Variants in CDK14 observed in about 807,000 individuals in gnomAD.
The protein encoded by CDK14 is cyclin-dependent kinase 14.
In CDK14, 34 loss-of-function variants were observed where a neutral mutation model predicts 60.7. That is an observed-to-expected ratio of 0.56 (90% CI 0.43 to 0.75). The LOEUF (loss-of-function observed/expected upper bound fraction) is 0.75, where lower values mean the gene tolerates loss of function less well. Among genes scored for constraint, CDK14 ranks in the 30% least tolerant of loss-of-function variants. The probability of loss-of-function intolerance (pLI) is 0.00; values close to 1 mark genes in which losing one functional copy is unlikely to be tolerated. For missense variants in CDK14, 482 were observed against 564.1 expected, an observed-to-expected ratio of 0.85 and a Z score of 1.47; for synonymous variants, 197 against 203.7, an observed-to-expected ratio of 0.97 and a Z score of 0.28.
At chr7:90,841,325 G>A (rs893135568) in intron 5 of CDK14, among the ~76,000 whole-genome samples, 3 of 151,944 alleles carry the variant, frequency 2.0e-5, no homozygotes, top group African/African-American at 7.2e-5. Flanking sequence ...ATCAATTTTA[G>A]CTCATCAGCT....
intron 4 of CDK14, among the ~76,000 whole-genome samples, chr7:90,790,110 T>TG (rs1356097605): frequency 6.6e-6 from 1 of 151,298 alleles, no homozygotes; most frequent in East Asian, 1.9e-4. Context: ...CCTTTTTTTT[T>TG]TTTGAGAGAG....
intron 10 of CDK14, among the ~76,000 whole-genome samples, chr7:90,998,113 C>G (rs1331680975): frequency 3.3e-5 from 5 of 152,096 alleles, no homozygotes; most frequent in African/African-American, 1.2e-4. Flanking sequence ...ACCATCATGT[C>G]AAATTAGATG....
chr7:91,158,120 GTATA>G (rs1421192563), intron 14 of CDK14, among the ~76,000 whole-genome samples: 2 of 146,358 alleles, frequency 1.4e-5, no homozygotes, highest in African/African-American at 2.5e-5. Context: ...TATATAAACA[GTATA>G]TATACATTAT....
At chr7:90,623,492 AAAG>A (rs1204372508) in intron 2 of CDK14, among the ~76,000 whole-genome samples, 1 of 152,206 alleles carries the variant, frequency 6.6e-6, no homozygotes. Context: ...GGAAGGAAAA[AAAG>A]CACAACTGAA....
intron 5 of CDK14, among the ~76,000 whole-genome samples, chr7:90,794,932 T>C (rs974757309): frequency 6.6e-6 from 1 of 152,214 alleles, no homozygotes; most frequent in Non-Finnish European, 1.5e-5. Context: ...TAAATGTCCA[T>C]GAAATCTTCA....
At chr7:90,838,478 G>A (rs933231730) in intron 5 of CDK14, among the ~76,000 whole-genome samples, 10 of 152,074 alleles carry the variant, frequency 6.6e-5, no homozygotes, top group African/African-American at 2.2e-4. Context: ...CTGCCTGCGG[G>A]GTCAGGCAGA....
chr7:90,699,108 A>G (rs1488017351), intron 2 of CDK14, among the ~76,000 whole-genome samples: 2 of 152,258 alleles, frequency 1.3e-5, no homozygotes, highest in African/African-American at 4.8e-5. Flanking sequence ...GTGCAAAAGC[A>G]AATTGCAAAG....
intron 2 of CDK14, among the ~76,000 whole-genome samples, chr7:90,678,295 C>A (rs1801241044): frequency 6.6e-6 from 1 of 152,132 alleles, no homozygotes; most frequent in South Asian, 2.1e-4. Context: ...TATCTGGCCC[C>A]CTTGGCTGAT....
chr7:90,714,251 C>G (rs966522929), intron 2 of CDK14, among the ~76,000 whole-genome samples: 1 of 151,952 alleles, frequency 6.6e-6, no homozygotes, highest in Non-Finnish European at 1.5e-5. Context: ...ACACATTTGC[C>G]CCAGCAGCTT....
intron 2 of CDK14, among the ~76,000 whole-genome samples, chr7:90,695,770 A>G (rs188465281): frequency 5.9e-5 from 9 of 152,284 alleles, no homozygotes; most frequent in African/African-American, 2.2e-4. Context: ...GGAGGGTGCA[A>G]CAGCCTTGAG....
chr7:90,912,785 T>A (rs374846986), intron 7 of CDK14, among the ~76,000 whole-genome samples: 15 of 151,896 alleles, frequency 9.9e-5, no homozygotes, highest in African/African-American at 3.6e-4. Flanking sequence ...GTTTTTCTAT[T>A]TTTTTTGGTA....
chr7:91,173,200 C>G (rs1353734447), intron 14 of CDK14, among the ~76,000 whole-genome samples: 1 of 152,108 alleles, frequency 6.6e-6, no homozygotes, highest in Non-Finnish European at 1.5e-5. Context: ...CAGGTTCATT[C>G]TAGCAGTTAG....
chr7:90,723,556 T>TA (rs1296008675), intron 2 of CDK14, among the ~76,000 whole-genome samples: 1 of 152,174 alleles, frequency 6.6e-6, no homozygotes, highest in Non-Finnish European at 1.5e-5. Context: ...ACATTGTTCT[T>TA]ACAATGTTTT....
intron 14 of CDK14, among the ~76,000 whole-genome samples, chr7:91,204,341 G>T (rs1802816336): frequency 6.6e-6 from 1 of 151,916 alleles, no homozygotes; most frequent in Admixed American, 6.6e-5. Context: ...AAATATAGGG[G>T]TAAATCTTCA....
chr7:91,085,973 T>C (rs1798626874), intron 12 of CDK14, among the ~76,000 whole-genome samples: 1 of 152,150 alleles, frequency 6.6e-6, no homozygotes, highest in South Asian at 2.1e-4. Context: ...CTACTGTGAT[T>C]TAGGAACTGA....
In CDK14 at chr7:91,021,377, A is replaced by T. The variant is rs186934767; in HGVS notation, c.1042-24520A>T. The stretch of plus-strand genomic sequence containing the variant: ...ATAGGATGGCTTTGAGGATTAAAGA[A>T]TTATTAGTTAGAAGTAAAGCACTTA... On this transcript the variant is annotated intron_variant, in intron 10 of 14. Transcript: ENST00000380050. Among the ~76,000 whole-genome samples the T allele has an allele frequency of 1.8e-3, 270 of 152,346 alleles. 1 individual carries two copies. The highest frequency in any genetic ancestry group is 6.1e-3 in the African/African-American group (254 of 41,572).
intron 10 of CDK14, among the ~76,000 whole-genome samples, chr7:91,036,597 A>C (rs1400697201): frequency 6.6e-6 from 1 of 152,154 alleles, no homozygotes; most frequent in African/African-American, 2.4e-5. Context: ...CCTACTCAAC[A>C]TGAAGATAAA....
intron 2 of CDK14, among the ~76,000 whole-genome samples, chr7:90,651,359 C>T (rs1193315428): frequency 1.3e-5 from 2 of 152,050 alleles, no homozygotes; most frequent in Admixed American, 1.3e-4. Context: ...CCCAGTTCCA[C>T]TTAAGGTTCT....
chr7:90,751,857 A>C (rs1388766898), intron 4 of CDK14, among the ~76,000 whole-genome samples: 2 of 152,122 alleles, frequency 1.3e-5, no homozygotes, highest in African/African-American at 4.8e-5. Context: ...AATGGAAAAC[A>C]AACAAGAGCA....
Sources: allele counts gnomAD v4.1 joint callset (sites outside exome capture counted in the v4.1 genomes callset), GRCh38; gene constraint gnomAD v4.1.1; transcripts MANE v1.5; gene names NCBI Gene and HGNC (gene_info 2026-07-23, HGNC 2026-07-21).